CHD7: variants seen among roughly 807,000 people sequenced by gnomAD.
The protein encoded by CHD7 is chromodomain helicase DNA binding protein 7.
CHD7 carries 24 observed loss-of-function variants against 307.3 expected under a neutral mutation model. That is an observed-to-expected ratio of 0.08 (90% CI 0.06 to 0.11). The LOEUF (loss-of-function observed/expected upper bound fraction) is 0.11. CHD7 is among the 10% of genes least tolerant of loss of function. The probability of loss-of-function intolerance (pLI) is 1.00; values close to 1 mark genes in which losing one functional copy is unlikely to be tolerated. For synonymous variants in CHD7, 1,363 were observed against 1,349.9 expected (o/e 1.01, Z -0.21); for missense variants, 3,106 against 3,727.1 (o/e 0.83, Z 4.34).
intron 19 of CHD7, among the ~76,000 whole-genome samples, chr8:60,839,934 G>A (rs376129028): frequency 3.4e-4 from 52 of 152,160 alleles, no homozygotes; most frequent in African/African-American, 8.9e-4. Flanking sequence ...TGTGTTTTTA[G>A]TGCATTGTCA....
At chr8:60,746,295 T>C (rs528970758) in intron 2 of CHD7, among the ~76,000 whole-genome samples, 2 of 152,372 alleles carry the variant, frequency 1.3e-5, no homozygotes, top group South Asian at 4.1e-4. Flanking sequence ...AGTTATGAAA[T>C]AACTAAATTT....
intron 2 of CHD7, among the ~76,000 whole-genome samples, chr8:60,771,679 TTG>T (rs1491384542): frequency 1.2e-4 from 1 of 8,522 alleles, no homozygotes; most frequent in East Asian, 0.028. Context: ...CTGGGGAGTC[TTG>T]ACTGGGGAGG....
chr8:60,756,421 G>GT (rs1809894077), intron 2 of CHD7, among the ~76,000 whole-genome samples: 1 of 152,180 alleles, frequency 6.6e-6, no homozygotes, highest in Non-Finnish European at 1.5e-5. Context: ...ACAGCATATT[G>GT]TTTTAACTAA....
At chr8:60,819,205 G>T (rs899570468) in intron 8 of CHD7, among the ~76,000 whole-genome samples, 1 of 151,904 alleles carries the variant, frequency 6.6e-6, no homozygotes, top group Non-Finnish European at 1.5e-5. Flanking sequence ...CGCCTGCCTT[G>T]GCCTCCCAAA....
intron 2 of CHD7, among the ~76,000 whole-genome samples, chr8:60,754,389 G>A (rs1211327190): frequency 6.6e-6 from 1 of 152,184 alleles, no homozygotes; most frequent in Non-Finnish European, 1.5e-5. Context: ...TTTTAGCACA[G>A]CATGTGGTAT....
chr8:60,764,100 G>A (rs62526485), intron 2 of CHD7, among the ~76,000 whole-genome samples: 4,727 of 152,026 alleles, frequency 0.031, 161 homozygotes, highest in African/African-American at 0.079. Flanking sequence ...CCATTCTCCC[G>A]CCTAAGCCTC....
intron 1 of CHD7, among the ~76,000 whole-genome samples, chr8:60,680,480 C>T (rs1407481253): frequency 6.0e-5 from 9 of 150,642 alleles, no homozygotes; most frequent in Admixed American, 5.9e-4. Flanking sequence ...GGGGAAGGAG[C>T]CGCCGGCCCC....
chr8:60,847,961 C>T (rs185762102), intron 23 of CHD7, among the ~76,000 whole-genome samples: 23 of 152,056 alleles, frequency 1.5e-4, no homozygotes, highest in Non-Finnish European at 2.9e-4. Context: ...CCCACCCTGT[C>T]ACCATCTTCC....
chr8:60,788,034 T>C (rs528613202), intron 3 of CHD7, among the ~76,000 whole-genome samples: 37 of 151,938 alleles, frequency 2.4e-4, no homozygotes, highest in Non-Finnish European at 3.8e-4. Context: ...GTTGGCCAGG[T>C]TGGTCTCAAA....
intron 34 of CHD7, among the ~76,000 whole-genome samples, chr8:60,857,160 T>C (rs1805755729): frequency 6.6e-6 from 1 of 152,226 alleles, no homozygotes; most frequent in South Asian, 2.1e-4. Context: ...AAACATGTTC[T>C]TCTGAATCTA....
intron 27 of CHD7, 27 bp downstream of exon 27, chr8:60,851,131 A>G (rs746735864): frequency 2.6e-6 from 4 of 1,527,926 alleles, no homozygotes; most frequent in Non-Finnish European, 2.7e-6. Flanking sequence ...ATTGGCTTTT[A>G]TAGCTCCATT....
At chr8:60,799,573 T>C (rs1563610860) in intron 4 of CHD7, among the ~76,000 whole-genome samples, 1 of 152,240 alleles carries the variant, frequency 6.6e-6, no homozygotes, top group Non-Finnish European at 1.5e-5. Context: ...AAAAACCTTT[T>C]ATTTAAAATG....
rs1239227862 is a variant in CHD7 at position 60,865,344 on chromosome 8, G to A, written c.8405G>A (p.Gly2802Glu). The change falls in exon 38 of 38, where the codon GGA becomes GAA. Residue 2802 changes from glycine to glutamate, a missense_variant. By Grantham distance (98) the Gly-to-Glu change is moderately conservative (BLOSUM62 -2). Around this residue, in one of 10 missense-constraint regions of CHD7, gnomAD observed 351 missense variants for 366.2 expected, o/e 0.96. Coordinates refer to ENST00000423902, the MANE Select transcript of CHD7 (RefSeq NM_017780.4). This position sits in a 1 kb window ranked among gnomAD's most constrained non-coding sequence, Gnocchi z 4.3. ...GCTGTGCTGCCCCTGATGCTGCCAG[G>A]AATGGCGGGCCTGCCCAACGTGTTT... ...PAAVLPLMLP[G>E]MAGLPNVFGL... The A allele has an allele frequency of 1.2e-6, 2 of 1,611,398 alleles. No homozygotes were observed. Among genetic ancestry groups the A allele is most frequent in the Non-Finnish European group, 8.5e-7 (1 of 1,179,164 alleles).
intron 2 of CHD7, among the ~76,000 whole-genome samples, chr8:60,777,673 T>G (rs1811018794): frequency 6.6e-6 from 1 of 152,206 alleles, no homozygotes; most frequent in African/African-American, 2.4e-5. Flanking sequence ...CTTTTCTGAT[T>G]TATATGTTGT....
At position 60,851,134 on chromosome 8, in the gene CHD7, G is replaced by T. The variant is rs551954486; in HGVS notation, c.5607+30G>T. 6.6e-7 allele frequency: 1 copy of T among 1,523,278 alleles called. No individual in the cohort carries two copies. 94.4% of individuals were successfully genotyped at this position (1,523,278 alleles called of 1,614,324 possible). ...GAACTTGAGTATATTGGCTTTTATA[G>T]CTCCATTAAAATATTATATGCCCAC... On this transcript the variant is annotated intron_variant, in intron 27 of 37. Transcript: ENST00000423902.
chr8:60,822,467 CT>C, intron 11 of CHD7, 35 bp from the exon 12 acceptor site: 1 of 1,600,936 alleles, frequency 6.2e-7, no homozygotes, highest in Non-Finnish European at 8.5e-7. Flanking sequence ...CATATCCATA[CT>C]CATTAAACTT....
chr8:60,720,099 G>A (rs1807822678), intron 1 of CHD7, among the ~76,000 whole-genome samples: 1 of 152,088 alleles, frequency 6.6e-6, no homozygotes, highest in African/African-American at 2.4e-5. Flanking sequence ...GAAATACTGT[G>A]GCTCATCTTT....
At chr8:60,679,407 A>T (rs1412116624) in intron 1 of CHD7, among the ~76,000 whole-genome samples, 2 of 105,228 alleles carry the variant, frequency 1.9e-5, no homozygotes. Flanking sequence ...ACTTCCTCGC[A>T]TGTAAATGGC....
At chr8:60,714,349 C>T (rs1338781892) in intron 1 of CHD7, among the ~76,000 whole-genome samples, 3 of 147,216 alleles carry the variant, frequency 2.0e-5, no homozygotes, top group Non-Finnish European at 3.0e-5. Flanking sequence ...GCTGCGGCCA[C>T]TTCCTGACCG....
Sources: gnomAD v4.1 joint callset for allele counts (sites outside exome capture counted in the v4.1 genomes callset) on GRCh38, gnomAD v4.1.1 for gene constraint, gnomAD v4.1.1 regional missense constraint, Gnocchi (gnomAD v3.1) non-coding constraint, MANE v1.5 for transcripts, NCBI Gene and HGNC (gene_info 2026-07-23, HGNC 2026-07-21) for gene names.